The following ST8SIA1 variants were observed in gnomAD, a reference collection of about 807,000 sequenced individuals.
ST8SIA1 encodes alpha-N-acetylneuraminide alpha-2,8-sialyltransferase.
In ST8SIA1, 16 loss-of-function variants were observed where a neutral mutation model predicts 35.9. The ratio of observed to expected loss-of-function variants is 0.45; its 90% CI spans 0.30 to 0.68. ST8SIA1 has a LOEUF of 0.68. Among genes scored for constraint, ST8SIA1 ranks in the 30% least tolerant of loss-of-function variants. The pLI, the probability that ST8SIA1 is intolerant of heterozygous loss-of-function variation, is 0.09. For missense variants in ST8SIA1, 383 were observed against 453.6 expected (o/e 0.84, Z 1.41); for synonymous variants, 170 against 169.6 (o/e 1.00, Z -0.02).
intron 2 of ST8SIA1, among the ~76,000 whole-genome samples, chr12:22,265,551 T>C (rs1167404200): frequency 2.0e-5 from 3 of 152,224 alleles, no homozygotes. Flanking sequence ...GTAACAACTG[T>C]ACTGACTTCT....
At chr12:22,266,778 C>T (rs1001278505) in intron 2 of ST8SIA1, among the ~76,000 whole-genome samples, 1 of 151,470 alleles carries the variant, frequency 6.6e-6, no homozygotes, top group Non-Finnish European at 1.5e-5. Context: ...GCCTGGGTGA[C>T]CGAGTGAGAC....
At chr12:22,248,810 C>T (rs1865632811) in intron 4 of ST8SIA1, 196 bp downstream of exon 4, 2 of 508,538 alleles carry the variant, frequency 3.9e-6, no homozygotes, top group Non-Finnish European at 3.5e-6. Context: ...AACAGAATCC[C>T]AGAGGAAGCA....
At chr12:22,225,263 A>G (rs776014561) in intron 4 of ST8SIA1, among the ~76,000 whole-genome samples, 7 of 152,166 alleles carry the variant, frequency 4.6e-5, no homozygotes, top group Non-Finnish European at 1.0e-4. Context: ...TAAAATGATT[A>G]TACAGTTAAT....
intron 1 of ST8SIA1, among the ~76,000 whole-genome samples, chr12:22,329,721 A>G (rs1866734335): frequency 1.3e-5 from 2 of 152,242 alleles, no homozygotes; most frequent in Admixed American, 6.5e-5. Context: ...GGAAATAAAG[A>G]GGCCACATAA....
intron 2 of ST8SIA1, among the ~76,000 whole-genome samples, chr12:22,266,633 A>T (rs1319406965): frequency 6.6e-6 from 1 of 151,934 alleles, no homozygotes; most frequent in Non-Finnish European, 1.5e-5. Context: ...TCTACTAAAA[A>T]TATATATTTT....
At chr12:22,289,580 C>A (rs10841986) in intron 1 of ST8SIA1, among the ~76,000 whole-genome samples, 56,697 of 152,010 alleles carry the variant, frequency 0.37, 10,829 homozygotes, top group Middle Eastern at 0.48. Flanking sequence ...AGCTGGATGA[C>A]TTTAATATTC....
intron 1 of ST8SIA1, among the ~76,000 whole-genome samples, chr12:22,288,230 C>T (rs1300900793): frequency 2.6e-5 from 4 of 152,194 alleles, no homozygotes; most frequent in African/African-American, 9.7e-5. Context: ...AAATTGCTGG[C>T]ATAAACCACT....
intron 2 of ST8SIA1, among the ~76,000 whole-genome samples, chr12:22,262,416 G>C (rs552891589): frequency 6.6e-6 from 1 of 152,112 alleles, no homozygotes; most frequent in Admixed American, 6.5e-5. Context: ...GCAACAAAGA[G>C]CTGGCCAGCT....
chr12:22,303,596 A>G (rs914514812), intron 1 of ST8SIA1, among the ~76,000 whole-genome samples: 38 of 152,052 alleles, frequency 2.5e-4, no homozygotes, highest in African/African-American at 8.7e-4. Context: ...AGAATGCTCA[A>G]TAGTTGTATA....
intron 3 of ST8SIA1, among the ~76,000 whole-genome samples, chr12:22,249,804 A>T (rs1288590123): frequency 6.6e-6 from 1 of 152,206 alleles, no homozygotes; most frequent in African/African-American, 2.4e-5. Context: ...ACTAGAGGAC[A>T]TGGGACCTAC....
chr12:22,275,074 G>C (rs1865953750), intron 2 of ST8SIA1, among the ~76,000 whole-genome samples: 1 of 152,320 alleles, frequency 6.6e-6, no homozygotes, highest in Non-Finnish European at 1.5e-5. Context: ...TGAGACTTGG[G>C]AGAGGGAACT....
At chr12:22,252,250 A>T (rs1189264150) in intron 3 of ST8SIA1, among the ~76,000 whole-genome samples, 1 of 152,120 alleles carries the variant, frequency 6.6e-6, no homozygotes, top group African/African-American at 2.4e-5. Flanking sequence ...CTATTTTTGG[A>T]TGTTCTCTCT....
At chr12:22,270,517 C>T (rs531165639) in intron 2 of ST8SIA1, among the ~76,000 whole-genome samples, 2 of 152,212 alleles carry the variant, frequency 1.3e-5, no homozygotes, top group South Asian at 2.1e-4. Flanking sequence ...AATTAACTTA[C>T]TAATTATTTC....
At position 22,193,559 on chromosome 12, in the gene ST8SIA1, T is replaced by C. The variant is rs1864948828; in HGVS notation, c.*7993A>G. On this transcript the variant is annotated 3_prime_UTR_variant, in exon 5 of 5. Coordinates refer to ENST00000396037, the MANE Select transcript of ST8SIA1 (RefSeq NM_003034.4). ...AAACCTCCTCCTATGACATTGCATT[T>C]AGATTCGGTGGAAAGAAGCAAGTCA... The C allele has an allele frequency of 1.3e-5, 2 of 152,220 alleles. No individual in the cohort carries two copies. The highest frequency in any genetic ancestry group is 2.9e-5 in the Non-Finnish European group (2 of 68,046). 9.4% of individuals were successfully genotyped at this position (152,220 alleles called of 1,614,324 possible). A position where few individuals can be genotyped will look rare whatever the true frequency, so the allele number is the denominator to read the frequency against.
intron 4 of ST8SIA1, among the ~76,000 whole-genome samples, chr12:22,235,793 A>G (rs1486510878): frequency 1.3e-5 from 2 of 152,096 alleles, no homozygotes; most frequent in Non-Finnish European, 2.9e-5. Context: ...GAACATCCCT[A>G]GGAGGGTTAT....
chr12:22,262,737 A>C (rs1865806578), intron 2 of ST8SIA1, among the ~76,000 whole-genome samples: 1 of 152,240 alleles, frequency 6.6e-6, no homozygotes, highest in South Asian at 2.1e-4. Context: ...TATTAAGAGC[A>C]CTTCTGATTA....
chr12:22,288,002 C>T (rs1474146319), intron 1 of ST8SIA1, among the ~76,000 whole-genome samples: 3 of 152,162 alleles, frequency 2.0e-5, no homozygotes, highest in East Asian at 3.9e-4. Flanking sequence ...TCCCAGCTCC[C>T]TCAGTGTCTG....
At chr12:22,221,620 C>T (rs1865301481) in intron 4 of ST8SIA1, among the ~76,000 whole-genome samples, 1 of 152,114 alleles carries the variant, frequency 6.6e-6, no homozygotes, top group South Asian at 2.1e-4. Flanking sequence ...CAAACAGCCC[C>T]AAACAAACCA....
At chr12:22,252,416 T>G (rs188529732) in intron 3 of ST8SIA1, among the ~76,000 whole-genome samples, 21 of 152,356 alleles carry the variant, frequency 1.4e-4, no homozygotes. Context: ...GATTTATTAA[T>G]AGATCTGCAA....
Sources: allele counts gnomAD v4.1 joint callset (sites outside exome capture counted in the v4.1 genomes callset), GRCh38; gene constraint gnomAD v4.1.1; transcripts MANE v1.5; gene names NCBI Gene and HGNC (gene_info 2026-07-23, HGNC 2026-07-21).